Variants in CACNA2D3 observed in about 807,000 individuals in gnomAD.
CACNA2D3 encodes calcium voltage-gated channel auxiliary subunit alpha2delta 3.
CACNA2D3 carries 60 observed loss-of-function variants against 160.6 expected under a neutral mutation model. The ratio of observed to expected loss-of-function variants is 0.37; its 90% CI spans 0.30 to 0.46. CACNA2D3 has a LOEUF of 0.46. CACNA2D3 is among the 20% of genes least tolerant of loss of function. The pLI is 1.00. For synonymous variants in CACNA2D3, 558 were observed against 492.9 expected, an observed-to-expected ratio of 1.13 and a Z score of -1.75; for missense variants, 1,205 against 1,365.0, an observed-to-expected ratio of 0.88 and a Z score of 1.85.
At chr3:54,505,608 C>T (rs1004447777) in intron 5 of CACNA2D3, among the ~76,000 whole-genome samples, 6 of 152,054 alleles carry the variant, frequency 3.9e-5, no homozygotes, top group Admixed American at 3.3e-4. Flanking sequence ...CCTTTTTGTG[C>T]GATGTGGCCA....
At chr3:54,390,466 G>C (rs1042179878) in intron 4 of CACNA2D3, among the ~76,000 whole-genome samples, 8 of 152,202 alleles carry the variant, frequency 5.3e-5, no homozygotes, top group African/African-American at 1.9e-4. Flanking sequence ...CCAGTCACCT[G>C]TTCTGGACAT....
chr3:54,378,106 G>C (rs556274410), intron 3 of CACNA2D3, among the ~76,000 whole-genome samples: 1 of 152,242 alleles, frequency 6.6e-6, no homozygotes, highest in African/African-American at 2.4e-5. Flanking sequence ...CAGAGGCCTT[G>C]GTGATAGGAA....
chr3:54,671,084 T>A (rs534336064), intron 11 of CACNA2D3, among the ~76,000 whole-genome samples: 2 of 152,252 alleles, frequency 1.3e-5, no homozygotes, highest in Non-Finnish European at 2.9e-5. Flanking sequence ...TAAATCATTT[T>A]AAAAACCACA....
At chr3:54,732,735 C>G (rs1231005148) in intron 11 of CACNA2D3, among the ~76,000 whole-genome samples, 2 of 152,200 alleles carry the variant, frequency 1.3e-5, no homozygotes, top group Non-Finnish European at 2.9e-5. Flanking sequence ...CTGAGCACTT[C>G]TATTTGAGAC....
intron 3 of CACNA2D3, among the ~76,000 whole-genome samples, chr3:54,343,196 CT>C (rs905245055): frequency 7.9e-5 from 12 of 152,312 alleles, no homozygotes; most frequent in East Asian, 1.9e-4. Context: ...AAGCCCCCCC[CT>C]CCCACGAGGA....
intron 11 of CACNA2D3, among the ~76,000 whole-genome samples, chr3:54,665,362 C>T (rs1700044761): frequency 6.6e-6 from 1 of 152,230 alleles, no homozygotes; most frequent in African/African-American, 2.4e-5. Context: ...ATGCATTCAT[C>T]TCTCTGGCAA....
intron 2 of CACNA2D3, among the ~76,000 whole-genome samples, chr3:54,207,875 A>C (rs768337200): frequency 1.3e-5 from 2 of 152,120 alleles, no homozygotes; most frequent in Non-Finnish European, 2.9e-5. Flanking sequence ...ATCTATTCTC[A>C]TGACACTTAT....
At chr3:54,804,639 C>G (rs1482542963) in intron 13 of CACNA2D3, among the ~76,000 whole-genome samples, 1 of 152,122 alleles carries the variant, frequency 6.6e-6, no homozygotes, top group Admixed American at 6.6e-5. Flanking sequence ...TTAGACAGAT[C>G]AACGAGACAG....
chr3:54,874,831 T>G (rs1699620901), intron 18 of CACNA2D3: 1 of 152,188 alleles, frequency 6.6e-6, no homozygotes, highest in Non-Finnish European at 1.5e-5. Flanking sequence ...AAGACTCTAT[T>G]TCAGTGACGC....
At chr3:54,855,606 G>T (rs976826884) in intron 17 of CACNA2D3, among the ~76,000 whole-genome samples, 1 of 152,176 alleles carries the variant, frequency 6.6e-6, no homozygotes, top group Non-Finnish European at 1.5e-5. Context: ...GAAGGAGGGA[G>T]AGAGGAAGGA....
At position 54,525,100 on chromosome 3, in the gene CACNA2D3, G is replaced by A. The variant is rs189648052; in HGVS notation, c.544+21446G>A. On this transcript the variant is annotated intron_variant, in intron 5 of 37. Coordinates refer to ENST00000474759, the MANE Select transcript of CACNA2D3 (RefSeq NM_018398.3). ...ACGTCATATGTATATACATATAATG[G>A]CATATATGTTTTAGTTCATAAGGTA... Among the ~76,000 whole-genome samples the A allele has an allele frequency of 3.4e-3, 512 of 151,934 alleles. 3 individuals carry two copies. Among genetic ancestry groups the A allele is most frequent in the Middle Eastern group, 0.01 (3 of 290 alleles).
intron 2 of CACNA2D3, among the ~76,000 whole-genome samples, chr3:54,134,233 G>A (rs1317525157): frequency 6.6e-6 from 1 of 152,164 alleles, no homozygotes; most frequent in Non-Finnish European, 1.5e-5. Flanking sequence ...CAGGTCTGGG[G>A]TTCTGGGTTG....
chr3:54,759,463 C>T (rs1484503942), intron 12 of CACNA2D3, among the ~76,000 whole-genome samples: 1 of 143,440 alleles, frequency 7.0e-6, no homozygotes, highest in Non-Finnish European at 1.5e-5. Context: ...AAAACTTATA[C>T]TAAGACATTT....
intron 11 of CACNA2D3, among the ~76,000 whole-genome samples, chr3:54,748,141 T>C (rs1268455148): frequency 6.6e-6 from 1 of 152,166 alleles, no homozygotes; most frequent in Non-Finnish European, 1.5e-5. Flanking sequence ...CAAGCTTTCT[T>C]CATTATTGAA....
intron 4 of CACNA2D3, among the ~76,000 whole-genome samples, chr3:54,450,573 C>T (rs1423486507): frequency 2.6e-5 from 4 of 152,076 alleles, no homozygotes; most frequent in South Asian, 2.1e-4. Context: ...GGGATGAGTT[C>T]TCATTATTAG....
At chr3:54,198,816 A>C (rs1701125731) in intron 2 of CACNA2D3, among the ~76,000 whole-genome samples, 1 of 152,252 alleles carries the variant, frequency 6.6e-6, no homozygotes, top group Non-Finnish European at 1.5e-5. Flanking sequence ...CTGAGTGCAC[A>C]GGTCTGGTCG....
rs141250273 is a variant in CACNA2D3 at position 55,005,353 on chromosome 3, T to C, written c.2766+515T>C. ...TATCAACTGAAATCCAGTAATTATA[T>C]GAATGAGAAATGGATCTAAAGTCTT... On this transcript the variant is annotated intron_variant, in intron 32 of 37. Transcript: ENST00000474759. 1.6e-4 allele frequency among the ~76,000 whole-genome samples: 24 copies of C among 152,284 alleles called. No individual in the cohort carries two copies. The East Asian group carries it at 4.0e-3, about 26-fold the overall frequency.
At chr3:54,252,716 T>TC (rs1702218876) in intron 2 of CACNA2D3, among the ~76,000 whole-genome samples, 1 of 152,082 alleles carries the variant, frequency 6.6e-6, no homozygotes, top group East Asian at 1.9e-4. Context: ...TCTCCCTGTG[T>TC]CCCCCCAGCT....
At chr3:54,333,848 G>A (rs11719933) in intron 3 of CACNA2D3, among the ~76,000 whole-genome samples, 12,925 of 152,314 alleles carry the variant, frequency 0.085, 616 homozygotes, top group Middle Eastern at 0.14. Context: ...AAAGGGGAAC[G>A]TCACCTGTTA....
Sources: allele counts gnomAD v4.1 joint callset (sites outside exome capture counted in the v4.1 genomes callset), GRCh38; gene constraint gnomAD v4.1.1; transcripts MANE v1.5; gene names NCBI Gene and HGNC (gene_info 2026-07-23, HGNC 2026-07-21).